PRKD1: variants seen among roughly 807,000 people sequenced by gnomAD.
PRKD1 encodes protein kinase D1, also known as serine/threonine-protein kinase D1.
In PRKD1, 63 loss-of-function variants were observed where a neutral mutation model predicts 95.9. The ratio of observed to expected loss-of-function variants is 0.66; its 90% CI spans 0.54 to 0.81. The LOEUF (loss-of-function observed/expected upper bound fraction) is 0.81. Ranked by LOEUF, PRKD1 falls within the 30% of genes least tolerant of loss-of-function variation. PRKD1 has a pLI of 0.00. For synonymous variants in PRKD1, 425 were observed against 423.1 expected (o/e 1.00, Z -0.05); for missense variants, 1,048 against 1,165.3 (o/e 0.90, Z 1.47).
chr14:29,686,601 C>T (rs185848741), intron 2 of PRKD1, among the ~76,000 whole-genome samples: 52 of 152,282 alleles, frequency 3.4e-4, no homozygotes, highest in Middle Eastern at 6.8e-3. Context: ...CTCTAAAGAA[C>T]GCCAGTTCTT....
intron 1 of PRKD1, among the ~76,000 whole-genome samples, chr14:29,826,813 AC>A (rs1891192357): frequency 2.1e-5 from 1 of 47,184 alleles, no homozygotes; most frequent in Non-Finnish European, 4.0e-5. Flanking sequence ...ACATATATAT[AC>A]ACATATATAT....
chr14:29,827,816 A>G (rs1226301279), intron 1 of PRKD1, among the ~76,000 whole-genome samples: 1 of 152,176 alleles, frequency 6.6e-6, no homozygotes, highest in Non-Finnish European at 1.5e-5. Flanking sequence ...AGAATTAAAT[A>G]TCTCACAGTC....
intron 1 of PRKD1, among the ~76,000 whole-genome samples, chr14:29,738,821 CTTTCTTT>C (rs1886854376): frequency 6.8e-6 from 1 of 146,780 alleles, no homozygotes; most frequent in African/African-American, 2.5e-5. Context: ...GTCTCTCTCT[CTTTCTTT>C]TTTCTTTTTT....
intron 1 of PRKD1, among the ~76,000 whole-genome samples, chr14:29,889,436 C>T (rs561513202): frequency 1.8e-4 from 27 of 152,172 alleles, no homozygotes; most frequent in Non-Finnish European, 3.1e-4. Context: ...TCACCTCACC[C>T]GGGGAGCAAG....
At chr14:29,849,212 G>C (rs1172841446) in intron 1 of PRKD1, among the ~76,000 whole-genome samples, 1 of 152,076 alleles carries the variant, frequency 6.6e-6, no homozygotes, top group African/African-American at 2.4e-5. Context: ...AAAAGTGTGT[G>C]GCACCTCCCT....
chr14:29,681,033 G>A (rs187104039), intron 2 of PRKD1, among the ~76,000 whole-genome samples: 52 of 152,274 alleles, frequency 3.4e-4, no homozygotes, highest in Admixed American at 2.0e-3. Context: ...GTAAAAGGGA[G>A]CGAAGGAGCA....
intron 1 of PRKD1, among the ~76,000 whole-genome samples, chr14:29,847,397 T>A: frequency 6.6e-6 from 1 of 152,168 alleles, no homozygotes; most frequent in East Asian, 1.9e-4. Flanking sequence ...AGGTTCTTTT[T>A]TGGTAGCAAC....
intron 1 of PRKD1, among the ~76,000 whole-genome samples, chr14:29,761,787 T>C (rs1392523045): frequency 6.6e-6 from 1 of 150,650 alleles, no homozygotes; most frequent in Non-Finnish European, 1.5e-5. Flanking sequence ...TTTCTTTTTT[T>C]TTTTTTTTTT....
chr14:29,640,435 A>G (rs1212785462), intron 4 of PRKD1, among the ~76,000 whole-genome samples: 2 of 151,986 alleles, frequency 1.3e-5, no homozygotes, highest in Non-Finnish European at 2.9e-5. Context: ...AGAAACTTAA[A>G]ATGAAGTTCT....
intron 2 of PRKD1, among the ~76,000 whole-genome samples, chr14:29,674,925 C>A (rs1371704246): frequency 6.6e-6 from 1 of 152,168 alleles, no homozygotes; most frequent in Non-Finnish European, 1.5e-5. Context: ...TCTCACTGTA[C>A]TTTTCATAGA....
intron 1 of PRKD1, among the ~76,000 whole-genome samples, chr14:29,908,325 C>T (rs547822667): frequency 6.6e-6 from 1 of 152,216 alleles, no homozygotes; most frequent in South Asian, 2.1e-4. Flanking sequence ...GAGTCAGAGA[C>T]TCACACTGTC....
In PRKD1 at chr14:29,885,124, T is replaced by TTA. The variant is rs1232960518; in HGVS notation, c.264+42124_264+42125insTA. 7.0e-3 allele frequency among the ~76,000 whole-genome samples: 918 copies of TTA among 131,060 alleles called. 8 individuals carry two copies. Among genetic ancestry groups the TTA allele is most frequent in the Admixed American group, 0.01 (127 of 12,672 alleles). 86.0% of individuals were successfully genotyped at this position (131,060 alleles called of 152,430 possible). The stretch of plus-strand genomic sequence containing the variant: ...GGCAACAGAGCGAGACTCCATCTTT[T>TTA]AAAAAAAAAAAAAAAAAAAGAATTA... On this transcript the variant is annotated intron_variant, in intron 1 of 17. Coordinates refer to ENST00000331968, the MANE Select transcript of PRKD1 (RefSeq NM_002742.3).
At chr14:29,650,313 T>A (rs1881409511) in intron 4 of PRKD1, 2 of 152,534 alleles carry the variant, frequency 1.3e-5, no homozygotes, top group Admixed American at 1.3e-4. Context: ...ACGGTTCAGA[T>A]GTCTGTGCAG....
chr14:29,730,119 G>C (rs866732442), intron 1 of PRKD1, among the ~76,000 whole-genome samples: 36 of 151,904 alleles, frequency 2.4e-4, no homozygotes, highest in African/African-American at 8.5e-4. Context: ...CAACTCAATA[G>C]CAAGAAAACA....
chr14:29,813,931 T>C (rs1181124763), intron 1 of PRKD1, among the ~76,000 whole-genome samples: 1 of 152,220 alleles, frequency 6.6e-6, no homozygotes, highest in African/African-American at 2.4e-5. Context: ...CTGCTACCTC[T>C]GTACCTCTGG....
rs528090097 is a variant in PRKD1 at position 29,632,620 on chromosome 14, CTCCCTCTCCCATCA to C, written c.1392+235_1392+248del. On this transcript the variant is annotated intron_variant, in intron 9 of 17. Transcript: ENST00000331968. ...ACATATTCAATTAATCTTCACCTCC[CTCCCTCTCCCATCA>C]TCCCATGGTACCAGAAACACTCCCC... Among the ~76,000 whole-genome samples the C allele has an allele frequency of 2.4e-3, 358 of 152,146 alleles. 1 individual carries two copies. The highest frequency in any genetic ancestry group is 7.6e-3 in the African/African-American group (315 of 41,504).
chr14:29,584,170 C>A (rs1370856575), intron 16 of PRKD1, among the ~76,000 whole-genome samples: 3 of 152,116 alleles, frequency 2.0e-5, no homozygotes, highest in Non-Finnish European at 4.4e-5. Context: ...GATATAGATT[C>A]CATTTTTTCT....
chr14:29,709,750 A>G (rs938474982), intron 2 of PRKD1, among the ~76,000 whole-genome samples: 1 of 152,118 alleles, frequency 6.6e-6, no homozygotes, highest in Non-Finnish European at 1.5e-5. Flanking sequence ...CATTCTTTTT[A>G]TTCTATTCAG....
intron 1 of PRKD1, among the ~76,000 whole-genome samples, chr14:29,852,939 A>G (rs1417344788): frequency 6.6e-6 from 1 of 152,144 alleles, no homozygotes; most frequent in Admixed American, 6.6e-5. Flanking sequence ...AAATACCAAG[A>G]TCAGTAGAAT....
Sources: gnomAD v4.1 joint callset for allele counts (sites outside exome capture counted in the v4.1 genomes callset) on GRCh38, gnomAD v4.1.1 for gene constraint, MANE v1.5 for transcripts, NCBI Gene and HGNC (gene_info 2026-07-23, HGNC 2026-07-21) for gene names.